Variants in TNKS observed in about 807,000 individuals in gnomAD.
TNKS encodes poly [ADP-ribose] polymerase tankyrase-1.
A neutral mutation model predicts 135.8 loss-of-function variants in TNKS; 72 were observed. The observed-to-expected ratio is 0.53, with a 90% CI of 0.44 to 0.64. The LOEUF (loss-of-function observed/expected upper bound fraction) is 0.64, where lower values mean the gene tolerates loss of function less well. Ranked by LOEUF, TNKS falls within the 30% of genes least tolerant of loss-of-function variation. The probability of loss-of-function intolerance (pLI) is 0.00; values close to 1 mark genes in which losing one functional copy is unlikely to be tolerated. For synonymous variants in TNKS, 849 were observed against 649.3 expected, an observed-to-expected ratio of 1.31 and a Z score of -4.68; for missense variants, 1,769 against 1,674.0, an observed-to-expected ratio of 1.06 and a Z score of -0.99.
rs1261762195 is a variant in TNKS, at chr8:9,708,372, T to C, written c.1458T>C (p.Tyr486=). ...PTPELRERLT[Y]EFKGHSLLQA... ...TGTCAACCATTGTTTCATTGACAGA[T>C]GAATTTAAAGGTCATTCTTTACTAC... The change falls in exon 9 of 27, where the codon TAT becomes TAC. Residue 486 remains tyrosine (Y), a splice_region_variant and synonymous_variant. Transcript: ENST00000310430. The C allele has an allele frequency of 1.3e-6, 2 of 1,583,326 alleles. No individual in the cohort carries two copies. Among genetic ancestry groups the C allele is most frequent in the South Asian group, 1.2e-5 (1 of 83,948 alleles).
chr8:9,620,149 C>T lies in TNKS; in HGVS notation c.994+4472C>T, dbSNP rs151181247. On this transcript the variant is annotated intron_variant, in intron 3 of 26. Coordinates refer to ENST00000310430, the MANE Select transcript of TNKS (RefSeq NM_003747.3). ...ATTTTTAGTATAGATGGACTTTCAC[C>T]ACTTTGGCCAGGATGGTCTCGATCT... Among the ~76,000 whole-genome samples, 400 of 152,220 alleles carry T rather than the reference C, an allele frequency of 2.6e-3. 2 individuals are homozygous for T. Among genetic ancestry groups the T allele is most frequent in the African/African-American group, 8.0e-3 (334 of 41,538 alleles).
chr8:9,622,716 T>G (rs80280600), intron 3 of TNKS, among the ~76,000 whole-genome samples: 1,799 of 152,320 alleles, frequency 0.012, 35 homozygotes, highest in African/African-American at 0.039. Context: ...TTTTTTAGAT[T>G]AAAGATTATT....
At chr8:9,662,761 A>T (rs530653660) in intron 3 of TNKS, among the ~76,000 whole-genome samples, 172 of 152,324 alleles carry the variant, frequency 1.1e-3, no homozygotes, top group Admixed American at 3.3e-3. Context: ...TAAAATTTTT[A>T]AAAAAAGTAT....
At chr8:9,574,987 A>G (rs2129052276) in intron 1 of TNKS, 2 of 910,282 alleles carry the variant, frequency 2.2e-6, no homozygotes, top group Non-Finnish European at 2.6e-6. Flanking sequence ...AAGAATGTGG[A>G]AAGATTCTAA....
At chr8:9,561,013 A>G (rs1371846804) in intron 1 of TNKS, among the ~76,000 whole-genome samples, 1 of 152,212 alleles carries the variant, frequency 6.6e-6, no homozygotes, top group Non-Finnish European at 1.5e-5. Context: ...ATAGCAAAAA[A>G]TTTGTAACAA....
chr8:9,650,520 G>A (rs1020967640), intron 3 of TNKS, among the ~76,000 whole-genome samples: 1 of 152,140 alleles, frequency 6.6e-6, no homozygotes, highest in African/African-American at 2.4e-5. Context: ...ACTTGCAGAA[G>A]TAAGATGGTA....
intron 5 of TNKS, among the ~76,000 whole-genome samples, chr8:9,684,919 C>T: frequency 6.6e-6 from 1 of 152,116 alleles, no homozygotes; most frequent in Non-Finnish European, 1.5e-5. Context: ...TGCGGTGATA[C>T]AGTTATAAAG....
chr8:9,638,276 A>G (rs4240628), intron 3 of TNKS, among the ~76,000 whole-genome samples: 149,053 of 152,362 alleles, frequency 0.98, 72,986 homozygotes, highest in East Asian at 1. Flanking sequence ...CCTCCAGCCT[A>G]AATTCTTATA....
chr8:9,650,553 A>T (rs1216294759), intron 3 of TNKS, among the ~76,000 whole-genome samples: 5 of 152,030 alleles, frequency 3.3e-5, no homozygotes, highest in Admixed American at 6.6e-5. Flanking sequence ...TTTAATTTGC[A>T]TTTCCCTGAT....
chr8:9,706,884 T>G lies in TNKS; in HGVS notation c.1343T>G (p.Val448Gly). ...PLHEAASKNR[V>G]EVCSLLLSHG... ...CACGAGGCTGCTTCCAAGAACCGTGTAGAAGTCTGCTCTTTGTTACTTAGC... is the reference window on the plus strand; with the variant it reads ...CACGAGGCTGCTTCCAAGAACCGTGGAGAAGTCTGCTCTTTGTTACTTAGC... Residue 448 changes from valine (V) to glycine (G), a missense_variant, in exon 8 of 27, where the codon GTA (valine) becomes GGA (glycine). Coordinates refer to ENST00000310430, the MANE Select transcript of TNKS (RefSeq NM_003747.3). The G allele has an allele frequency of 5.0e-6, 8 of 1,614,170 alleles. No homozygotes were observed. The highest frequency in any genetic ancestry group is 6.8e-6 in the Non-Finnish European group (8 of 1,180,008).
chr8:9,687,275 C>T (rs1803045949), intron 5 of TNKS, among the ~76,000 whole-genome samples: 1 of 152,084 alleles, frequency 6.6e-6, no homozygotes, highest in African/African-American at 2.4e-5. Flanking sequence ...AGTAAGTCTG[C>T]ATTAGGGAAC....
At chr8:9,613,500 A>G (rs1295210232) in intron 2 of TNKS, among the ~76,000 whole-genome samples, 1 of 152,162 alleles carries the variant, frequency 6.6e-6, no homozygotes, top group African/African-American at 2.4e-5. Flanking sequence ...TTTTTAATTC[A>G]TATGTGATGA....
chr8:9,751,451 T>G (rs1218317739), intron 18 of TNKS, among the ~76,000 whole-genome samples, 158 bp from the exon 19 acceptor site: 2 of 152,206 alleles, frequency 1.3e-5, no homozygotes, highest in African/African-American at 2.4e-5. Context: ...TTGAAACTCT[T>G]TGGAGCTGTG....
At chr8:9,647,027 C>T (rs191373773) in intron 3 of TNKS, among the ~76,000 whole-genome samples, 6 of 152,172 alleles carry the variant, frequency 3.9e-5, no homozygotes, top group African/African-American at 9.6e-5. Flanking sequence ...ATCAGATTTG[C>T]AAAACTCCAT....
intron 2 of TNKS, among the ~76,000 whole-genome samples, chr8:9,610,957 T>C (rs753816834): frequency 1.6e-4 from 25 of 152,360 alleles, no homozygotes; most frequent in Middle Eastern, 3.4e-3. Flanking sequence ...TTAACTTGAA[T>C]AGTTTTAAAG....
chr8:9,730,614 A>G (rs1342603609), intron 13 of TNKS, among the ~76,000 whole-genome samples: 1 of 152,174 alleles, frequency 6.6e-6, no homozygotes, highest in African/African-American at 2.4e-5. Flanking sequence ...TGCTTTGGAA[A>G]TGCTTGCTTT....
chr8:9,661,024 A>G (rs1351246589), intron 3 of TNKS, among the ~76,000 whole-genome samples: 8 of 150,906 alleles, frequency 5.3e-5, no homozygotes, highest in Non-Finnish European at 1.2e-4. Flanking sequence ...TCCAACTTAC[A>G]AGGGACGTGA....
At chr8:9,582,699 G>A (rs865900266) in intron 2 of TNKS, among the ~76,000 whole-genome samples, 8 of 152,118 alleles carry the variant, frequency 5.3e-5, no homozygotes, top group African/African-American at 1.7e-4. Flanking sequence ...GGATAAGCTA[G>A]TACATATAAA....
At chr8:9,753,997 C>T (rs1419552479) in intron 20 of TNKS, among the ~76,000 whole-genome samples, 1 of 152,188 alleles carries the variant, frequency 6.6e-6, no homozygotes, top group Non-Finnish European at 1.5e-5. Flanking sequence ...GGCTTGTGGC[C>T]ATGCTACTCC....
Sources: gnomAD v4.1 joint callset for allele counts (sites outside exome capture counted in the v4.1 genomes callset) on GRCh38, gnomAD v4.1.1 for gene constraint, MANE v1.5 for transcripts, NCBI Gene and HGNC (gene_info 2026-07-23, HGNC 2026-07-21) for gene names.